The following RANBP17 variants were observed in gnomAD, a reference collection of about 807,000 sequenced individuals.
RANBP17 encodes ran-binding protein 17.
In RANBP17, 158 loss-of-function variants were observed where a neutral mutation model predicts 141.2. The ratio of observed to expected loss-of-function variants is 1.12; its 90% CI spans 0.98 to 1.28. The LOEUF is 1.28. Ranked by LOEUF, RANBP17 falls within the 50% of genes most tolerant of loss-of-function variation. The pLI is 0.00. For missense variants in RANBP17, 1,438 were observed against 1,290.7 expected, an observed-to-expected ratio of 1.11 and a Z score of -1.75; for synonymous variants, 430 against 450.0, an observed-to-expected ratio of 0.96 and a Z score of 0.56.
intron 21 of RANBP17, among the ~76,000 whole-genome samples, chr5:171,214,559 C>A (rs1412440714): frequency 1.3e-5 from 2 of 152,002 alleles, no homozygotes; most frequent in Non-Finnish European, 2.9e-5. Flanking sequence ...GGTTGCAGCT[C>A]TAATGTTATC....
chr5:171,265,374 G>A (rs1277091203), intron 24 of RANBP17, among the ~76,000 whole-genome samples: 1 of 152,020 alleles, frequency 6.6e-6, no homozygotes, highest in Non-Finnish European at 1.5e-5. Context: ...ATCTCTACTA[G>A]AAATACAAAA....
chr5:171,022,234 G>T (rs1581422378), intron 14 of RANBP17, among the ~76,000 whole-genome samples: 1 of 152,264 alleles, frequency 6.6e-6, no homozygotes, highest in East Asian at 1.9e-4. Flanking sequence ...TTCCTGTATT[G>T]GGTATCTGCC....
At chr5:171,001,445 G>A (rs896886765) in intron 14 of RANBP17, among the ~76,000 whole-genome samples, 9 of 152,126 alleles carry the variant, frequency 5.9e-5, no homozygotes, top group Admixed American at 1.3e-4. Context: ...CTTGGTTGGC[G>A]ACTTTCAAGG....
intron 12 of RANBP17, among the ~76,000 whole-genome samples, chr5:170,947,498 A>G (rs1774857721): frequency 1.3e-5 from 2 of 151,548 alleles, no homozygotes; most frequent in South Asian, 4.1e-4. Flanking sequence ...AAGATAGGAA[A>G]TGCTGGGGGG....
chr5:171,059,451 T>C (rs1783653772), intron 14 of RANBP17, among the ~76,000 whole-genome samples: 1 of 152,124 alleles, frequency 6.6e-6, no homozygotes, highest in African/African-American at 2.4e-5. Flanking sequence ...TTTTCTCAGG[T>C]TTGTCAAAGA....
Position 170,881,914 on chromosome 5 carries a change from C to T in RANBP17, c.256+18C>T. On this transcript the variant is annotated intron_variant, in intron 3 of 27. Transcript: ENST00000523189. ...GGACATCAGTAAGTGGCTTATTATG[C>T]TTTTTAACCAACTGCGCTTTAAAAA... The T allele has an allele frequency of 2.6e-6, 4 of 1,516,856 alleles. No homozygotes were observed. Among genetic ancestry groups the T allele is most frequent in the Non-Finnish European group, 3.6e-6 (4 of 1,111,314 alleles). 94.0% of individuals were successfully genotyped at this position (1,516,856 alleles called of 1,614,324 possible).
At chr5:171,128,129 G>C (rs1756630826) in intron 14 of RANBP17, among the ~76,000 whole-genome samples, 1 of 152,184 alleles carries the variant, frequency 6.6e-6, no homozygotes, top group South Asian at 2.1e-4. Flanking sequence ...CTGCACTCCA[G>C]CCTGGGTGAC....
At chr5:171,099,915 G>A (rs1436652671) in intron 14 of RANBP17, among the ~76,000 whole-genome samples, 1 of 152,164 alleles carries the variant, frequency 6.6e-6, no homozygotes, top group East Asian at 1.9e-4. Flanking sequence ...TTACTGATTT[G>A]CATATGTTGA....
rs548022667 is a variant in RANBP17, at chr5:171,172,925, T to TA, written c.1865+1645dup. 2.2e-3 allele frequency among the ~76,000 whole-genome samples: 332 copies of TA among 152,036 alleles called. 7 individuals are homozygous for TA. The highest frequency in any genetic ancestry group is 4.7e-4 in the Non-Finnish European group (32 of 67,870). On this transcript the variant is annotated intron_variant, in intron 16 of 27. Coordinates refer to ENST00000523189, the MANE Select transcript of RANBP17 (RefSeq NM_022897.5). ...CTTTTGAGTACTTCTCAAAGTGAATTAAAAAATCATATTTTCAGAAAACTT... is the reference window on the plus strand; with the variant it reads ...CTTTTGAGTACTTCTCAAAGTGAATTAAAAAAATCATATTTTCAGAAAACTT...
intron 14 of RANBP17, chr5:171,028,985 T>A: frequency 1.6e-6 from 2 of 1,271,904 alleles, no homozygotes; most frequent in Non-Finnish European, 2.0e-6. Flanking sequence ...CAGTCTAAGG[T>A]CCAGGTGAGG....
chr5:171,070,119 A>G (rs576842022), intron 14 of RANBP17, among the ~76,000 whole-genome samples: 4 of 152,282 alleles, frequency 2.6e-5, no homozygotes, highest in Non-Finnish European at 4.4e-5. Flanking sequence ...TAACCTTTCT[A>G]TAGGTCAGAC....
chr5:171,119,580 G>A (rs1755875625), intron 14 of RANBP17, among the ~76,000 whole-genome samples: 1 of 152,158 alleles, frequency 6.6e-6, no homozygotes, highest in African/African-American at 2.4e-5. Context: ...GATCTTAGAG[G>A]AAAGTCTTTT....
chr5:171,192,174 A>G (rs943363655), intron 18 of RANBP17, among the ~76,000 whole-genome samples: 3 of 152,210 alleles, frequency 2.0e-5, no homozygotes, highest in Non-Finnish European at 4.4e-5. Flanking sequence ...GAATACATCA[A>G]TGTATCAACT....
At chr5:171,154,727 C>T (rs1438148057) in intron 14 of RANBP17, among the ~76,000 whole-genome samples, 1 of 151,984 alleles carries the variant, frequency 6.6e-6, no homozygotes, top group Non-Finnish European at 1.5e-5. Context: ...TTGGGGAAAC[C>T]ATTTAACTGT....
rs192506236 is a variant in RANBP17 at position 171,126,632 on chromosome 5, G to A, written c.1711-43498G>A. On this transcript the variant is annotated intron_variant, in intron 14 of 27. Coordinates refer to ENST00000523189, the MANE Select transcript of RANBP17 (RefSeq NM_022897.5). ...CAAATAAATAAATCCAGAAACAAAA[G>A]AGGAGACATTACACTGATAGCACAG... 2.0e-3 allele frequency among the ~76,000 whole-genome samples: 305 copies of A among 152,158 alleles called. 1 individual carries two copies. The highest frequency in any genetic ancestry group is 7.2e-3 in the African/African-American group (298 of 41,516).
chr5:171,204,159 T>C (rs1762448536), intron 19 of RANBP17, among the ~76,000 whole-genome samples: 1 of 152,030 alleles, frequency 6.6e-6, no homozygotes, highest in Non-Finnish European at 1.5e-5. Flanking sequence ...GAGTAAGTAA[T>C]TTAAAGGAGC....
chr5:170,966,721 G>A (rs1429901060), intron 13 of RANBP17, among the ~76,000 whole-genome samples: 9 of 152,112 alleles, frequency 5.9e-5, no homozygotes, highest in African/African-American at 2.4e-5. Context: ...AGGAAGTAAT[G>A]GGTATTCAAT....
chr5:170,969,736 AC>A (rs1378599240), intron 14 of RANBP17, among the ~76,000 whole-genome samples: 1 of 151,942 alleles, frequency 6.6e-6, no homozygotes, highest in African/African-American at 2.4e-5. Context: ...TTGTTTCAAA[AC>A]TTTTAATATA....
At position 171,286,045 on chromosome 5, in the gene RANBP17, G is replaced by A. The variant is rs558619175; in HGVS notation, c.2944-7838G>A. 6.6e-5 allele frequency among the ~76,000 whole-genome samples: 10 copies of A among 152,344 alleles called. No homozygotes were observed. The South Asian group carries it at 2.1e-3, about 32-fold the overall frequency. On this transcript the variant is annotated intron_variant, in intron 25 of 27. Coordinates refer to ENST00000523189, the MANE Select transcript of RANBP17 (RefSeq NM_022897.5). ...GTTGGTAATAGAGTAAATTGAAACA[G>A]CAAAACTAGGTTGTGTTTTTCCTTA...
Sources: allele counts gnomAD v4.1 joint callset (sites outside exome capture counted in the v4.1 genomes callset), GRCh38; gene constraint gnomAD v4.1.1; transcripts MANE v1.5; gene names NCBI Gene and HGNC (gene_info 2026-07-23, HGNC 2026-07-21).